ROBO2: variants seen among roughly 807,000 people sequenced by gnomAD.
The protein encoded by ROBO2 is roundabout guidance receptor 2.
Under a neutral mutation model 160.8 loss-of-function variants are expected in ROBO2, and 53 were observed. The observed-to-expected ratio is 0.33, with a 90% CI of 0.26 to 0.41. The LOEUF is 0.41. Among genes scored for constraint, ROBO2 ranks in the 10% least tolerant of loss-of-function variants. The pLI is 1.00. For synonymous variants in ROBO2, 664 were observed against 611.7 expected (o/e 1.09, Z -1.26); for missense variants, 1,577 against 1,722.4 (o/e 0.92, Z 1.49).
intron 2 of ROBO2, among the ~76,000 whole-genome samples, chr3:76,834,112 TTC>T (rs1553651367): frequency 4.8e-5 from 7 of 145,402 alleles, no homozygotes; most frequent in Admixed American, 1.4e-4. Context: ...CTTTCTTTCT[TTC>T]TCTCTGTCTC....
At chr3:77,339,720 C>A (rs1039306422) in intron 2 of ROBO2, among the ~76,000 whole-genome samples, 14 of 151,892 alleles carry the variant, frequency 9.2e-5, no homozygotes, top group African/African-American at 2.9e-4. Context: ...GGAATGATGA[C>A]CTTCTCATGA....
At chr3:76,727,829 G>T (rs114000421) in intron 2 of ROBO2, among the ~76,000 whole-genome samples, 95 of 152,224 alleles carry the variant, frequency 6.2e-4, no homozygotes, top group African/African-American at 2.1e-3. Flanking sequence ...AAGTTCTCGT[G>T]TTCGATGGCA....
rs149611362 is a variant in ROBO2 at position 76,407,718 on chromosome 3, T to C, written c.109+470116T>C. On this transcript the variant is annotated intron_variant, in intron 2 of 26. Coordinates refer to the ROBO2 transcript ENST00000487694. ...TTATGTTTAATTATTTTTTTCTTCA[T>C]TATACATACATACAAACATAGGTGC... Among the ~76,000 whole-genome samples, 49 of 152,182 alleles carry C rather than the reference T, an allele frequency of 3.2e-4. No individual in the cohort carries two copies. The East Asian group carries it at 9.3e-3, about 29-fold the overall frequency.
chr3:76,120,846 TG>T, intron 2 of ROBO2, among the ~76,000 whole-genome samples: 1 of 152,312 alleles, frequency 6.6e-6, no homozygotes, highest in Middle Eastern at 3.4e-3. Context: ...TGTAAGGTAT[TG>T]TAGTATAAGA....
chr3:76,480,310 G>C (rs1390187377), intron 2 of ROBO2, among the ~76,000 whole-genome samples: 1 of 152,060 alleles, frequency 6.6e-6, no homozygotes, highest in African/African-American at 2.4e-5. Flanking sequence ...TGCCTGTAAT[G>C]AATTTTGAAA....
At chr3:76,657,793 C>CAT (rs1305114028) in intron 2 of ROBO2, among the ~76,000 whole-genome samples, 1 of 142,340 alleles carries the variant, frequency 7.0e-6, no homozygotes, top group Non-Finnish European at 1.5e-5. Context: ...TATATATGTT[C>CAT]ATATATATGT....
At chr3:76,761,505 C>T (rs2061308524) in intron 2 of ROBO2, among the ~76,000 whole-genome samples, 1 of 151,694 alleles carries the variant, frequency 6.6e-6, no homozygotes, top group Non-Finnish European at 1.5e-5. Context: ...TGGCATATAA[C>T]CATTCCACAA....
intron 2 of ROBO2, among the ~76,000 whole-genome samples, chr3:76,501,794 A>G (rs894761875): frequency 6.6e-6 from 1 of 152,214 alleles, no homozygotes; most frequent in Non-Finnish European, 1.5e-5. Flanking sequence ...TTAACAGGGT[A>G]CAGAAAATAA....
At chr3:76,786,025 T>A (rs1383168310) in intron 2 of ROBO2, among the ~76,000 whole-genome samples, 2 of 151,306 alleles carry the variant, frequency 1.3e-5, no homozygotes, top group East Asian at 3.9e-4. Context: ...TATTTACCTC[T>A]TTAACCTTGT....
chr3:76,654,228 C>G (rs1288883942), intron 2 of ROBO2, among the ~76,000 whole-genome samples: 4 of 152,148 alleles, frequency 2.6e-5, no homozygotes, highest in African/African-American at 9.7e-5. Flanking sequence ...ACAATCATCA[C>G]CAAGGGGCTT....
chr3:77,532,457 G>C (rs2091811992), intron 6 of ROBO2, among the ~76,000 whole-genome samples: 1 of 151,854 alleles, frequency 6.6e-6, no homozygotes, highest in African/African-American at 2.4e-5. Flanking sequence ...CCAGTTCTAT[G>C]CTTTAACTTG....
chr3:77,174,930 A>G (rs2079990994), intron 2 of ROBO2, among the ~76,000 whole-genome samples: 1 of 152,076 alleles, frequency 6.6e-6, no homozygotes, highest in Non-Finnish European at 1.5e-5. Flanking sequence ...TGAAACACTA[A>G]TATTATAAAG....
At chr3:76,697,873 A>G (rs1251384062) in intron 2 of ROBO2, among the ~76,000 whole-genome samples, 1 of 152,200 alleles carries the variant, frequency 6.6e-6, no homozygotes, top group Non-Finnish European at 1.5e-5. Flanking sequence ...GTGATAGTCT[A>G]CAGAGAGCAG....
At chr3:77,138,989 G>A (rs1350022205) in intron 2 of ROBO2, among the ~76,000 whole-genome samples, 8 of 152,168 alleles carry the variant, frequency 5.3e-5, no homozygotes, top group Middle Eastern at 3.4e-3. Context: ...TAGCAACCGC[G>A]CTGTTTTTAA....
intron 2 of ROBO2, among the ~76,000 whole-genome samples, chr3:76,353,433 T>C (rs2074991066): frequency 6.6e-6 from 1 of 151,968 alleles, no homozygotes; most frequent in Non-Finnish European, 1.5e-5. Context: ...GGGGTAGAGG[T>C]AGTTGTGCTT....
intron 2 of ROBO2, among the ~76,000 whole-genome samples, chr3:76,470,520 G>A (rs2078598902): frequency 6.6e-6 from 1 of 152,010 alleles, no homozygotes; most frequent in Non-Finnish European, 1.5e-5. Flanking sequence ...ATCCCCTATT[G>A]TGGCCTCTCT....
At chr3:76,423,884 G>T (rs1489052697) in intron 2 of ROBO2, among the ~76,000 whole-genome samples, 1 of 152,106 alleles carries the variant, frequency 6.6e-6, no homozygotes, top group Non-Finnish European at 1.5e-5. Flanking sequence ...AAGGGTAAAT[G>T]GATATGGGTA....
At position 76,651,791 on chromosome 3, in the gene ROBO2, T is replaced by C. The variant is rs558956142; in HGVS notation, c.110-446223T>C. On this transcript the variant is annotated intron_variant, in intron 2 of 26. Transcript: ENST00000487694. ...ATGCAAGGACTTGCCTTTCTTTCTG[T>C]GTGGCTTCTAGCTACCCTTGGACCT... is the stretch of plus-strand genomic sequence containing the variant. Among the ~76,000 whole-genome samples the C allele has an allele frequency of 3.9e-5, 6 of 152,316 alleles. No homozygotes were observed. The East Asian group carries it at 1.2e-3, about 29-fold the overall frequency.
At chr3:76,493,576 T>A (rs1298372227) in intron 2 of ROBO2, among the ~76,000 whole-genome samples, 3 of 151,964 alleles carry the variant, frequency 2.0e-5, no homozygotes, top group Admixed American at 1.3e-4. Flanking sequence ...TATGTTTCCT[T>A]GCATTTTCAA....
Sources: allele counts gnomAD v4.1 joint callset (sites outside exome capture counted in the v4.1 genomes callset), GRCh38; gene constraint gnomAD v4.1.1; transcripts MANE v1.5; gene names NCBI Gene and HGNC (gene_info 2026-07-23, HGNC 2026-07-21).